Variants in NAV2 observed in about 807,000 individuals in gnomAD.
NAV2 encodes the protein neuron navigator 2.
Under a neutral mutation model 223.2 loss-of-function variants are expected in NAV2, and 54 were observed. The observed-to-expected ratio is 0.24, with a 90% CI of 0.19 to 0.30. NAV2 has a LOEUF of 0.30. Ranked by LOEUF, NAV2 falls within the 10% of genes least tolerant of loss-of-function variation. The pLI is 1.00. For missense variants in NAV2, 2,806 were observed against 3,147.5 expected, an observed-to-expected ratio of 0.89 and a Z score of 2.60; for synonymous variants, 1,279 against 1,239.3, an observed-to-expected ratio of 1.03 and a Z score of -0.67.
chr11:19,992,267 T>C (rs1209779920), intron 11 of NAV2, among the ~76,000 whole-genome samples: 1 of 152,224 alleles, frequency 6.6e-6, no homozygotes, highest in Non-Finnish European at 1.5e-5. Flanking sequence ...CTAGTGCCAC[T>C]ACCTGTAGGA....
intron 11 of NAV2, among the ~76,000 whole-genome samples, chr11:20,035,354 C>T (rs1029915762): frequency 1.3e-5 from 2 of 152,158 alleles, no homozygotes; most frequent in African/African-American, 4.8e-5. Flanking sequence ...TGGACTTAGG[C>T]AGCTTGGGAC....
intron 1 of NAV2, among the ~76,000 whole-genome samples, chr11:19,441,722 G>A (rs1258747011): frequency 1.3e-5 from 2 of 152,212 alleles, no homozygotes; most frequent in African/African-American, 4.8e-5. Flanking sequence ...AAGAGAGGAT[G>A]TTGGTTGCAG....
At chr11:19,935,911 G>A (rs868783628) in intron 7 of NAV2, among the ~76,000 whole-genome samples, 1 of 128,230 alleles carries the variant, frequency 7.8e-6, no homozygotes, top group Non-Finnish European at 1.6e-5. Flanking sequence ...TGGCTGGAGT[G>A]CAGTGGCACC....
intron 1 of NAV2, among the ~76,000 whole-genome samples, chr11:19,431,240 A>G (rs1851025830): frequency 1.3e-5 from 2 of 152,244 alleles, no homozygotes; most frequent in Non-Finnish European, 2.9e-5. Context: ...GAATCGGCAC[A>G]GCAGGCTGTT....
At chr11:19,870,937 C>T (rs1028037351) in intron 4 of NAV2, among the ~76,000 whole-genome samples, 1 of 152,144 alleles carries the variant, frequency 6.6e-6, no homozygotes, top group Non-Finnish European at 1.5e-5. Context: ...CTCTTTGTCA[C>T]CTGGAGCATT....
Position 20,078,018 on chromosome 11 carries a change from A to T in NAV2, c.5093A>T (p.Lys1698Ile), listed in dbSNP as rs746317857. The T allele has an allele frequency of 2.5e-5, 40 of 1,613,538 alleles. No individual in the cohort carries two copies. The highest frequency in any genetic ancestry group is 3.4e-5 in the Non-Finnish European group (40 of 1,179,884). ...GACTCAGAACTGAATGAGTTAAGAA[A>T]AACCATTGAGCTGCTAAAGAAACAG... ...QKDSELNELR[K>I]TIELLKKQNA... is the part of the protein sequence containing the mutation. The change falls in exon 24 of 38, where the codon AAA (lysine) becomes ATA (isoleucine). Residue 1698 changes from lysine to isoleucine, a missense_variant. By Grantham distance (102) the Lys-to-Ile change is moderately radical. This residue lies in a region of NAV2 where 824 missense variants were observed against 1,069.4 expected (regional missense o/e 0.77). Transcript: ENST00000349880.
At chr11:19,551,494 T>C (rs2044688992) in intron 1 of NAV2, among the ~76,000 whole-genome samples, 1 of 152,182 alleles carries the variant, frequency 6.6e-6, no homozygotes, top group Admixed American at 6.5e-5. Context: ...TGCCTGTCCC[T>C]GATCCACTTG....
chr11:19,454,298 A>G (rs955704953), intron 1 of NAV2, among the ~76,000 whole-genome samples: 3 of 152,150 alleles, frequency 2.0e-5, no homozygotes, highest in African/African-American at 4.8e-5. Context: ...GCCTGACCTC[A>G]TAGGGTTGGG....
At chr11:19,497,671 A>G (rs1304849866) in intron 1 of NAV2, among the ~76,000 whole-genome samples, 1 of 152,136 alleles carries the variant, frequency 6.6e-6, no homozygotes, top group African/African-American at 2.4e-5. Context: ...GGTGGGAGTG[A>G]ATAAATTTTG....
chr11:19,444,857 C>T (rs1851528250), intron 1 of NAV2, among the ~76,000 whole-genome samples: 1 of 152,140 alleles, frequency 6.6e-6, no homozygotes. Context: ...TGAATTCCAA[C>T]TCCATCACTT....
chr11:19,839,150 A>C (rs1470217983), intron 2 of NAV2, among the ~76,000 whole-genome samples: 1 of 152,116 alleles, frequency 6.6e-6, no homozygotes. Flanking sequence ...TTGAGTCATG[A>C]GCTTCCCCAA....
At chr11:20,115,723 G>C (rs1232353049) in intron 37 of NAV2, among the ~76,000 whole-genome samples, 1 of 150,612 alleles carries the variant, frequency 6.6e-6, no homozygotes, top group Non-Finnish European at 1.5e-5. Flanking sequence ...TTACAGCCTG[G>C]GCAACGTAAC....
chr11:19,799,113 G>A (rs2058082529), intron 1 of NAV2, among the ~76,000 whole-genome samples: 1 of 152,122 alleles, frequency 6.6e-6, no homozygotes, highest in Non-Finnish European at 1.5e-5. Context: ...ACAGAAGAGT[G>A]GCATGAAGCA....
At chr11:19,997,942 G>C (rs904840724) in intron 11 of NAV2, among the ~76,000 whole-genome samples, 6 of 151,884 alleles carry the variant, frequency 4.0e-5, no homozygotes, top group African/African-American at 1.5e-4. Context: ...ATCTATCCGG[G>C]GTCTCTCCAT....
At chr11:19,629,456 C>T (rs1002421656) in intron 1 of NAV2, among the ~76,000 whole-genome samples, 2 of 150,942 alleles carry the variant, frequency 1.3e-5, no homozygotes, top group African/African-American at 2.4e-5. Context: ...TTGATGTCAG[C>T]GACATTTTTC....
At chr11:19,411,307 G>C (rs958630759) in intron 1 of NAV2, among the ~76,000 whole-genome samples, 11 of 152,138 alleles carry the variant, frequency 7.2e-5, no homozygotes, top group Admixed American at 2.0e-4. Flanking sequence ...CTGGGTTGTG[G>C]GGAGTTTAAA....
intron 3 of NAV2, among the ~76,000 whole-genome samples, chr11:19,862,654 G>C (rs1386476810): frequency 6.6e-6 from 1 of 152,122 alleles, no homozygotes; most frequent in Non-Finnish European, 1.5e-5. Context: ...TAAAACTGTA[G>C]TGTCAGGACC....
intron 1 of NAV2, among the ~76,000 whole-genome samples, chr11:19,620,859 C>T (rs2062971279): frequency 1.3e-5 from 2 of 152,150 alleles, no homozygotes; most frequent in South Asian, 4.1e-4. Flanking sequence ...GGGAATGCTT[C>T]CAGTTTTTGC....
chr11:19,886,065 C>T (rs1410136958), intron 5 of NAV2, among the ~76,000 whole-genome samples: 2 of 152,182 alleles, frequency 1.3e-5, no homozygotes, highest in African/African-American at 2.4e-5. Context: ...ATCATGGCTC[C>T]CTGAGGCCTT....
Sources: gnomAD v4.1 joint callset for allele counts (sites outside exome capture counted in the v4.1 genomes callset) on GRCh38, gnomAD v4.1.1 for gene constraint, gnomAD v4.1.1 regional missense constraint, MANE v1.5 for transcripts, NCBI Gene and HGNC (gene_info 2026-07-23, HGNC 2026-07-21) for gene names.